Variants in BCAR3 observed in about 807,000 individuals in gnomAD.
BCAR3 encodes BCAR3 adaptor protein, NSP family member.
A neutral mutation model predicts 80.1 loss-of-function variants in BCAR3; 37 were observed. That is an observed-to-expected ratio of 0.46 (90% CI 0.36 to 0.61). The LOEUF (loss-of-function observed/expected upper bound fraction) is 0.61. Among genes scored for constraint, BCAR3 ranks in the 20% least tolerant of loss-of-function variants. The pLI, the probability that BCAR3 is intolerant of heterozygous loss-of-function variation, is 0.00. For synonymous variants in BCAR3, 389 were observed against 418.9 expected (o/e 0.93, Z 0.87); for missense variants, 978 against 1,068.2 (o/e 0.92, Z 1.18).
chr1:93,769,027 G>A (rs1358530987), intron 2 of BCAR3, among the ~76,000 whole-genome samples: 2 of 152,204 alleles, frequency 1.3e-5, no homozygotes, highest in Non-Finnish European at 1.5e-5. Context: ...GCCTTTGAGC[G>A]CTGGCTGGAA....
upstream of BCAR3, chr1:93,847,792 CT>C (rs1354681350): frequency 1.8e-5 from 2 of 112,738 alleles, no homozygotes; most frequent in African/African-American, 7.2e-5. Context: ...TCTTGCGGTC[CT>C]TTCTTAAGCG....
chr1:93,827,426 T>C (rs74899527), intron 2 of BCAR3, among the ~76,000 whole-genome samples: 4,040 of 152,152 alleles, frequency 0.027, 74 homozygotes, highest in Non-Finnish European at 0.036. Flanking sequence ...GGACTTTACA[T>C]AGCAGGGGAG....
At chr1:93,570,160 G>A (rs1456176090) in intron 9 of BCAR3, among the ~76,000 whole-genome samples, 1 of 152,130 alleles carries the variant, frequency 6.6e-6, no homozygotes, top group Non-Finnish European at 1.5e-5. Context: ...CCCGATGAAG[G>A]CACTAAGTTT....
At chr1:93,578,948 A>G (rs1673581693) in intron 7 of BCAR3, among the ~76,000 whole-genome samples, 1 of 152,182 alleles carries the variant, frequency 6.6e-6, no homozygotes, top group Non-Finnish European at 1.5e-5. Flanking sequence ...ACAGAAGGGG[A>G]GGCTGTTCAG....
intron 2 of BCAR3, among the ~76,000 whole-genome samples, chr1:93,657,113 T>C (rs1231065945): frequency 1.3e-5 from 2 of 152,212 alleles, no homozygotes; most frequent in Non-Finnish European, 2.9e-5. Flanking sequence ...TGGATTTATC[T>C]GAAAGCAGGT....
At chr1:93,773,726 T>C (rs1652439729) in intron 2 of BCAR3, among the ~76,000 whole-genome samples, 1 of 152,178 alleles carries the variant, frequency 6.6e-6, no homozygotes, top group Non-Finnish European at 1.5e-5. Flanking sequence ...CCAGGACCTC[T>C]TAGGTTAGTC....
chr1:93,676,892 C>A (rs1648512647), intron 1 of BCAR3, among the ~76,000 whole-genome samples: 1 of 152,258 alleles, frequency 6.6e-6, no homozygotes, highest in African/African-American at 2.4e-5. Flanking sequence ...GCACCACTGC[C>A]TTTGGCAGCC....
chr1:93,644,434 C>T (rs2101912447), intron 2 of BCAR3, among the ~76,000 whole-genome samples: 1 of 152,310 alleles, frequency 6.6e-6, no homozygotes, highest in East Asian at 1.9e-4. Flanking sequence ...TCACCTACAG[C>T]CTGGAAGCCC....
At chr1:93,660,590 G>A (rs2101930186) in intron 2 of BCAR3, among the ~76,000 whole-genome samples, 1 of 152,346 alleles carries the variant, frequency 6.6e-6, no homozygotes, top group Admixed American at 6.5e-5. Context: ...AGATTAGCAG[G>A]TTATTTACTG....
At chr1:93,622,874 G>C (rs1675356078) in intron 3 of BCAR3, among the ~76,000 whole-genome samples, 1 of 152,182 alleles carries the variant, frequency 6.6e-6, no homozygotes. Context: ...GCCTTGCAGT[G>C]TATATCCAAA....
At chr1:93,585,471 T>C (rs532990775) in intron 5 of BCAR3, among the ~76,000 whole-genome samples, 1 of 152,294 alleles carries the variant, frequency 6.6e-6, no homozygotes, top group African/African-American at 2.4e-5. Flanking sequence ...TCATTTCTTA[T>C]CTTAAAAAGT....
chr1:93,613,158 C>T (rs1174720815), intron 3 of BCAR3, among the ~76,000 whole-genome samples: 1 of 152,278 alleles, frequency 6.6e-6, no homozygotes, highest in East Asian at 1.9e-4. Context: ...TTTTCCAAGG[C>T]AGACAAACCC....
chr1:93,728,474 TTTCTGTATCCTGGG>T (rs1166115749), intron 2 of BCAR3, among the ~76,000 whole-genome samples: 10 of 152,244 alleles, frequency 6.6e-5, no homozygotes, highest in African/African-American at 2.4e-4. Flanking sequence ...GACAGAGGGC[TTTCTGTATCCTGGG>T]TTCTTGCCTT....
intron 2 of BCAR3, among the ~76,000 whole-genome samples, chr1:93,651,943 G>A (rs150896791): frequency 2.6e-4 from 39 of 152,290 alleles, no homozygotes; most frequent in Non-Finnish European, 1.5e-5. Flanking sequence ...TAGCCCATGC[G>A]GCCACACACA....
chr1:93,626,981 G>A (rs1002725997), intron 3 of BCAR3, among the ~76,000 whole-genome samples: 1 of 152,126 alleles, frequency 6.6e-6, no homozygotes, highest in Non-Finnish European at 1.5e-5. Flanking sequence ...TCTGAAAAAC[G>A]AACAAAGTGA....
chr1:93,762,338 G>A (rs1651976653), intron 2 of BCAR3, among the ~76,000 whole-genome samples: 1 of 152,160 alleles, frequency 6.6e-6, no homozygotes, highest in South Asian at 2.1e-4. Flanking sequence ...ACTGTCCCCA[G>A]CTCTGCTCTG....
intron 2 of BCAR3, among the ~76,000 whole-genome samples, chr1:93,747,156 T>C (rs1426305191): frequency 6.6e-6 from 1 of 152,212 alleles, no homozygotes; most frequent in Non-Finnish European, 1.5e-5. Flanking sequence ...GGAGAGGTAG[T>C]CTGGATACTG....
intron 2 of BCAR3, among the ~76,000 whole-genome samples, chr1:93,828,431 T>C (rs1416509891): frequency 1.3e-5 from 2 of 152,202 alleles, no homozygotes. Flanking sequence ...GTGCAGAAGC[T>C]AGCCATAAAT....
At chr1:93,717,146 G>A (rs1156667502) in intron 2 of BCAR3, among the ~76,000 whole-genome samples, 1 of 152,156 alleles carries the variant, frequency 6.6e-6, no homozygotes, top group Admixed American at 6.5e-5. Flanking sequence ...GCCAGGCTAG[G>A]CTGCTGAAGG....
Sources: allele counts gnomAD v4.1 joint callset (sites outside exome capture counted in the v4.1 genomes callset), GRCh38; gene constraint gnomAD v4.1.1; transcripts MANE v1.5; gene names NCBI Gene and HGNC (gene_info 2026-07-23, HGNC 2026-07-21).